PDE7A: variants seen among roughly 807,000 people sequenced by gnomAD.
The protein encoded by PDE7A is phosphodiesterase 7A.
A neutral mutation model predicts 64.3 loss-of-function variants in PDE7A; 39 were observed. The observed-to-expected ratio is 0.61, with a 90% CI of 0.47 to 0.79. The LOEUF is 0.79. PDE7A is among the 30% of genes least tolerant of loss of function. The pLI, the probability that PDE7A is intolerant of heterozygous loss-of-function variation, is 0.00. For missense variants in PDE7A, 470 were observed against 582.8 expected, an observed-to-expected ratio of 0.81 and a Z score of 1.99; for synonymous variants, 203 against 206.8, an observed-to-expected ratio of 0.98 and a Z score of 0.16.
intron 3 of PDE7A, among the ~76,000 whole-genome samples, chr8:65,771,934 T>C (rs1025773339): frequency 2.1e-5 from 3 of 145,620 alleles, no homozygotes; most frequent in East Asian, 2.0e-4. Flanking sequence ...GGAAATATCC[T>C]GAAAGCAGGG....
intron 4 of PDE7A, among the ~76,000 whole-genome samples, chr8:65,745,713 T>C (rs1807643176): frequency 6.6e-6 from 1 of 152,256 alleles, no homozygotes; most frequent in Non-Finnish European, 1.5e-5. Context: ...AGGAAGGTTA[T>C]GTTTCCCAGC....
At chr8:65,826,359 T>C (rs954200448) in intron 1 of PDE7A, among the ~76,000 whole-genome samples, 1 of 152,208 alleles carries the variant, frequency 6.6e-6, no homozygotes, top group Non-Finnish European at 1.5e-5. Context: ...GTAGGACTGA[T>C]AGCACTGCAG....
intron 1 of PDE7A, among the ~76,000 whole-genome samples, chr8:65,793,592 C>T (rs1414248828): frequency 6.6e-6 from 1 of 151,814 alleles, no homozygotes; most frequent in Non-Finnish European, 1.5e-5. Context: ...CAAGGATGCT[C>T]CACTATCTTC....
Position 65,841,440 on chromosome 8 carries a change from G to A in PDE7A, c.69C>T (p.Arg23=). 1.3e-6 allele frequency: 2 copies of A among 1,564,268 alleles called. No individual in the cohort carries two copies. Among genetic ancestry groups the A allele is most frequent in the East Asian group, 2.6e-5 (1 of 38,722 alleles). ...DRPVPQHVLS[R]RGAISFSSSS... Reference sequence around the variant, plus strand: ...TGGAGCTGAAGCTGATGGCTCCTCGGCGGCTGAGGACGTGCTGGGGGACCG... The same window carrying A: ...TGGAGCTGAAGCTGATGGCTCCTCGACGGCTGAGGACGTGCTGGGGGACCG... The change falls in exon 1 of 13, where the codon CGC becomes CGT. Residue 23 remains arginine, a synonymous_variant. Transcript: ENST00000401827.
Position 65,717,596 on chromosome 8 carries a change from A to G in PDE7A, c.*1694T>C, listed in dbSNP as rs1806194713. On this transcript the variant is annotated 3_prime_UTR_variant, in exon 13 of 13. Coordinates refer to ENST00000401827, the MANE Select transcript of PDE7A (RefSeq NM_001242318.3). ...AAACATCTGAGGGATGAATTACAAG[A>G]GCCAAGAAGCTAACTTTGATTTCCT... is the stretch of plus-strand genomic sequence containing the variant. 2 of 152,244 alleles carry G rather than the reference A, an allele frequency of 1.3e-5. No individual in the cohort carries two copies. Among genetic ancestry groups the G allele is most frequent in the South Asian group, 4.1e-4 (2 of 4,834 alleles). 9.4% of individuals were successfully genotyped at this position (152,244 alleles called of 1,614,324 possible).
At chr8:65,782,913 G>T in intron 1 of PDE7A, 70 bp from the exon 2 acceptor site, 1 of 864,190 alleles carries the variant, frequency 1.2e-6, no homozygotes, top group Non-Finnish European at 1.9e-6. Flanking sequence ...CAACAAACAT[G>T]TATTCATCAT....
intron 1 of PDE7A, among the ~76,000 whole-genome samples, chr8:65,813,701 C>T (rs1810310119): frequency 6.6e-6 from 1 of 152,076 alleles, no homozygotes; most frequent in Non-Finnish European, 1.5e-5. Flanking sequence ...TATAATAGCA[C>T]GATTGGATAT....
intron 7 of PDE7A, among the ~76,000 whole-genome samples, chr8:65,728,820 A>T (rs146884200): frequency 6.6e-5 from 10 of 152,344 alleles, no homozygotes; most frequent in Admixed American, 3.3e-4. Flanking sequence ...GATTTAAAAA[A>T]TTAATGTATG....
chr8:65,779,100 T>C (rs1809334058), intron 3 of PDE7A, among the ~76,000 whole-genome samples: 2 of 152,252 alleles, frequency 1.3e-5, no homozygotes. Flanking sequence ...AATACATACA[T>C]GTCTTTTACA....
intron 3 of PDE7A, 59 bp from the exon 4 acceptor site, chr8:65,747,862 T>C (rs926982924): frequency 2.9e-6 from 3 of 1,033,456 alleles, no homozygotes; most frequent in Admixed American, 2.3e-5. Flanking sequence ...CATGCTATCT[T>C]TGCAATACCA....
rs574528179 is a variant in PDE7A, at chr8:65,815,425, A to C, written c.138+25946T>G. ...CTTTAGAGACAGGATCTGGTCTCTG[A>C]TTACCAAGTTGTGAAACAAAATTTG... is the stretch of plus-strand genomic sequence containing the variant. On this transcript the variant is annotated intron_variant, in intron 1 of 12. Coordinates refer to ENST00000401827, the MANE Select transcript of PDE7A (RefSeq NM_001242318.3). Among the ~76,000 whole-genome samples the C allele has an allele frequency of 3.9e-5, 6 of 152,314 alleles. No individual in the cohort carries two copies. The East Asian group carries it at 1.2e-3, about 29-fold the overall frequency.
At chr8:65,777,619 G>A (rs1344287151) in intron 3 of PDE7A, among the ~76,000 whole-genome samples, 4 of 152,044 alleles carry the variant, frequency 2.6e-5, no homozygotes, top group African/African-American at 7.2e-5. Flanking sequence ...CTAGCCTTAC[G>A]TAACAAATTG....
At chr8:65,726,310 GGT>G (rs1330407931) in intron 9 of PDE7A, among the ~76,000 whole-genome samples, 1 of 151,726 alleles carries the variant, frequency 6.6e-6, no homozygotes, top group Non-Finnish European at 1.5e-5. Flanking sequence ...TTTTTTATTA[GGT>G]TCTAAAATAG....
At chr8:65,821,135 T>C (rs933767544) in intron 1 of PDE7A, among the ~76,000 whole-genome samples, 3 of 152,098 alleles carry the variant, frequency 2.0e-5, no homozygotes, top group Non-Finnish European at 4.4e-5. Flanking sequence ...ACTACCTCCA[T>C]ATAACTGAAT....
In PDE7A at chr8:65,841,409, C is replaced by T; in HGVS notation, c.100G>A (p.Ala34Thr). 6.4e-7 allele frequency: 1 copy of T among 1,564,192 alleles called. No individual in the cohort carries two copies. Among genetic ancestry groups the T allele is most frequent in the East Asian group, 2.6e-5 (1 of 38,746 alleles). Reference sequence around the variant, plus strand: ...CGGGGATTGGGGCAGCCGAAGAGAGCGGAGCTGGAGCTGAAGCTGATGGCT... The same window carrying T: ...CGGGGATTGGGGCAGCCGAAGAGAGTGGAGCTGGAGCTGAAGCTGATGGCT... ...RGAISFSSSSALFGCPNPRQL... is the reference protein window; with the variant it reads ...RGAISFSSSSTLFGCPNPRQL... The change falls in exon 1 of 13, where the codon GCT becomes ACT. Residue 34 changes from alanine to threonine, a missense_variant. Ala to Thr is a moderately conservative substitution (Grantham distance 58, BLOSUM62 0). Transcript: ENST00000401827.
intron 6 of PDE7A, among the ~76,000 whole-genome samples, chr8:65,736,721 G>A (rs1028054754): frequency 6.6e-6 from 1 of 151,402 alleles, no homozygotes; most frequent in African/African-American, 2.4e-5. Flanking sequence ...CTGCACTCAA[G>A]CCTAGGTGAC....
intron 1 of PDE7A, among the ~76,000 whole-genome samples, chr8:65,831,181 C>T (rs1434820440): frequency 1.3e-5 from 2 of 152,014 alleles, no homozygotes; most frequent in Non-Finnish European, 2.9e-5. Flanking sequence ...TGTTTGAAAA[C>T]CCTTATACTA....
intron 1 of PDE7A, among the ~76,000 whole-genome samples, chr8:65,801,109 C>T (rs554230028): frequency 3.3e-5 from 5 of 152,204 alleles, no homozygotes; most frequent in East Asian, 1.9e-4. Context: ...TGACTCCAAT[C>T]CAGCCTGGGC....
At chr8:65,761,064 CTT>C (rs748642226) in intron 3 of PDE7A, among the ~76,000 whole-genome samples, 15 of 142,970 alleles carry the variant, frequency 1.0e-4, no homozygotes, top group Admixed American at 1.4e-4. Flanking sequence ...ATTGTTTTTT[CTT>C]TTTTTTTTTT....
Sources: gnomAD v4.1 joint callset for allele counts (sites outside exome capture counted in the v4.1 genomes callset) on GRCh38, gnomAD v4.1.1 for gene constraint, MANE v1.5 for transcripts, NCBI Gene and HGNC (gene_info 2026-07-23, HGNC 2026-07-21) for gene names.